Variants in ATP2B2 observed in about 807,000 individuals in gnomAD.
ATP2B2 encodes the protein plasma membrane calcium-transporting ATPase 2.
In ATP2B2, 15 loss-of-function variants were observed where a neutral mutation model predicts 120.0. The ratio of observed to expected loss-of-function variants is 0.12; its 90% CI spans 0.08 to 0.19. The LOEUF (loss-of-function observed/expected upper bound fraction) is 0.19, where lower values mean the gene tolerates loss of function less well. Ranked by LOEUF, ATP2B2 falls within the 10% of genes least tolerant of loss-of-function variation. The pLI is 1.00. For synonymous variants in ATP2B2, 694 were observed against 700.3 expected (o/e 0.99, Z 0.14); for missense variants, 1,045 against 1,719.8 (o/e 0.61, Z 6.94).
At chr3:10,336,178 C>T in intron 22 of ATP2B2, 1 of 1,550,684 alleles carries the variant, frequency 6.4e-7, no homozygotes, top group South Asian at 1.2e-5. Flanking sequence ...GAGCATTGGA[C>T]AACGACACGC....
At chr3:10,556,458 T>G (rs1405623123) in intron 2 of ATP2B2, among the ~76,000 whole-genome samples, 2 of 152,158 alleles carry the variant, frequency 1.3e-5, no homozygotes, top group African/African-American at 4.8e-5. Flanking sequence ...GGATTGCCGT[T>G]GTGAAGCACA....
At chr3:10,528,098 T>C (rs939403608) in intron 3 of ATP2B2, among the ~76,000 whole-genome samples, 4 of 152,302 alleles carry the variant, frequency 2.6e-5, no homozygotes, top group African/African-American at 9.6e-5. Context: ...TGGCTTCTTC[T>C]TGGGCTTTTG....
At chr3:10,362,978 A>G (rs1021437267) in intron 12 of ATP2B2, among the ~76,000 whole-genome samples, 13 of 152,112 alleles carry the variant, frequency 8.5e-5, no homozygotes, top group Non-Finnish European at 1.5e-5. Flanking sequence ...TCCCTCTACT[A>G]ATGAAAGAAA....
chr3:10,656,526 C>A lies in ATP2B2; in HGVS notation c.-459-36565G>T, dbSNP rs562031433. ...AAGGCCTTTCACCACCTCACCCTGGCTCCTGCCCAACCTCTGGGCCTTCCG... is the reference window on the plus strand; with the variant it reads ...AAGGCCTTTCACCACCTCACCCTGGATCCTGCCCAACCTCTGGGCCTTCCG... On this transcript the variant is annotated intron_variant, in intron 1 of 21. Coordinates refer to the ATP2B2 transcript ENST00000646379. 2.6e-5 allele frequency among the ~76,000 whole-genome samples: 4 copies of A among 152,346 alleles called. No homozygotes were observed. The East Asian group carries it at 7.7e-4, about 29-fold the overall frequency.
At chr3:10,455,774 C>T (rs1422412906) in intron 1 of ATP2B2, among the ~76,000 whole-genome samples, 1 of 152,174 alleles carries the variant, frequency 6.6e-6, no homozygotes, top group African/African-American at 2.4e-5. Context: ...TGAGACAAAG[C>T]CCAGTGAGAA....
intron 2 of ATP2B2, among the ~76,000 whole-genome samples, chr3:10,616,191 C>T (rs908659961): frequency 2.0e-5 from 3 of 152,180 alleles, no homozygotes; most frequent in African/African-American, 7.2e-5. Context: ...ATCCTAACAC[C>T]TGCCACTTCA....
At position 10,617,505 on chromosome 3, in the gene ATP2B2, T is replaced by C. The variant is rs538557449; in HGVS notation, c.-415+2412A>G. Among the ~76,000 whole-genome samples the C allele has an allele frequency of 9.8e-5, 15 of 152,358 alleles. No homozygotes were observed. The South Asian group carries it at 3.1e-3, about 32-fold the overall frequency. On this transcript the variant is annotated intron_variant, in intron 2 of 21. Transcript: ENST00000646379. ...GGAACGAAAGGAGGTGGCCTCGCTG[T>C]TTGCTCAGCATTCTGTGGAGTGGAC...
At chr3:10,376,241 A>G (rs1393021120) in intron 10 of ATP2B2, among the ~76,000 whole-genome samples, 1 of 152,198 alleles carries the variant, frequency 6.6e-6, no homozygotes, top group African/African-American at 2.4e-5. Context: ...AGTTTCAGAT[A>G]TGGTGACACA....
chr3:10,598,599 A>G (rs949715926), intron 2 of ATP2B2, among the ~76,000 whole-genome samples: 1 of 152,170 alleles, frequency 6.6e-6, no homozygotes, highest in African/African-American at 2.4e-5. Flanking sequence ...TTCCTCCACA[A>G]CTTACTCTAG....
At chr3:10,683,918 T>C (rs563134421) in intron 1 of ATP2B2, among the ~76,000 whole-genome samples, 83 of 151,238 alleles carry the variant, frequency 5.5e-4, no homozygotes, top group Non-Finnish European at 1.1e-3. Context: ...TGCCTCAGCC[T>C]CCCAAGTAAG....
At chr3:10,363,641 A>G (rs988699814) in intron 12 of ATP2B2, among the ~76,000 whole-genome samples, 1 of 152,212 alleles carries the variant, frequency 6.6e-6, no homozygotes, top group African/African-American at 2.4e-5. Context: ...CACGTTACGG[A>G]TAACATTTGC....
At chr3:10,488,322 A>C (rs1313039564) in intron 1 of ATP2B2, among the ~76,000 whole-genome samples, 70 of 61,506 alleles carry the variant, frequency 1.1e-3, no homozygotes, top group Middle Eastern at 0.015. Flanking sequence ...TTCACTCACA[A>C]ATCCATCCAT....
At chr3:10,448,114 C>T (rs1430256766) in intron 2 of ATP2B2, among the ~76,000 whole-genome samples, 1 of 152,208 alleles carries the variant, frequency 6.6e-6, no homozygotes, top group Non-Finnish European at 1.5e-5. Context: ...GGGCCCAGGG[C>T]TCAGAGGACT....
At chr3:10,541,027 T>G (rs1476583349) in intron 2 of ATP2B2, among the ~76,000 whole-genome samples, 2 of 152,142 alleles carry the variant, frequency 1.3e-5, no homozygotes, top group Admixed American at 1.3e-4. Context: ...CCATTTCTAC[T>G]AGGTTGTTAA....
intron 22 of ATP2B2, chr3:10,332,292 G>T: frequency 2.1e-6 from 1 of 475,890 alleles, no homozygotes; most frequent in Non-Finnish European, 3.8e-6. Flanking sequence ...GTCTAGCAAG[G>T]TACGGCGTCC....
At chr3:10,707,693 C>G (rs1423451387) in intron 1 of ATP2B2, among the ~76,000 whole-genome samples, 2 of 151,714 alleles carry the variant, frequency 1.3e-5, no homozygotes, top group South Asian at 2.1e-4. Flanking sequence ...CCCCGGCCCG[C>G]CCCGCCCGCC....
chr3:10,410,486 G>A (rs902418334), intron 3 of ATP2B2, 132 bp downstream of exon 3: 3 of 1,180,924 alleles, frequency 2.5e-6, no homozygotes, highest in African/African-American at 1.5e-5. Flanking sequence ...GCTATGGGTG[G>A]GGCCCTGCCC....
intron 1 of ATP2B2, among the ~76,000 whole-genome samples, chr3:10,686,198 G>T (rs555401621): frequency 6.6e-6 from 1 of 152,090 alleles, no homozygotes; most frequent in African/African-American, 2.4e-5. Context: ...AAGACAGCCT[G>T]GGTCACACTG....
upstream of ATP2B2, among the ~76,000 whole-genome samples, chr3:10,507,017 C>T (rs575990084): frequency 1.3e-5 from 2 of 152,348 alleles, no homozygotes; most frequent in Non-Finnish European, 2.9e-5. Flanking sequence ...ATGCTGAGAC[C>T]TCCTTGCTCC....
Sources: allele counts gnomAD v4.1 joint callset (sites outside exome capture counted in the v4.1 genomes callset), GRCh38; gene constraint gnomAD v4.1.1; transcripts MANE v1.5; gene names NCBI Gene and HGNC (gene_info 2026-07-23, HGNC 2026-07-21).